The following PDZD2 variants were observed in gnomAD, a reference collection of about 807,000 sequenced individuals.
PDZD2 encodes the protein PDZ domain containing 2, also known as PDZ domain-containing protein 2.
In PDZD2, 90 loss-of-function variants were observed where a neutral mutation model predicts 220.7. The ratio of observed to expected loss-of-function variants is 0.41; its 90% CI spans 0.34 to 0.49. PDZD2 has a LOEUF of 0.49. Among genes scored for constraint, PDZD2 ranks in the 20% least tolerant of loss-of-function variants. The pLI is 0.28. For missense variants in PDZD2, 3,174 were observed against 3,608.5 expected (o/e 0.88, Z 3.08); for synonymous variants, 1,375 against 1,450.5 (o/e 0.95, Z 1.18).
At chr5:32,102,065 T>C (rs190542382) in intron 24 of PDZD2, among the ~76,000 whole-genome samples, 88 of 152,248 alleles carry the variant, frequency 5.8e-4, no homozygotes, top group African/African-American at 1.7e-3. Context: ...TACAATTGCA[T>C]AGTAATCCCA....
At position 32,064,811 on chromosome 5, in the gene PDZD2, T is replaced by C. The variant is rs6873903; in HGVS notation, c.2451+3677T>C. 2.6e-3 allele frequency among the ~76,000 whole-genome samples: 388 copies of C among 149,378 alleles called. 5 individuals are homozygous for C. Among genetic ancestry groups the C allele is most frequent in the African/African-American group, 8.8e-3 (357 of 40,544 alleles). On this transcript the variant is annotated intron_variant, in intron 14 of 24. Transcript: ENST00000438447. ...AGCAAAACCACGTCTCTACTAAAAA[T>C]ACAAAAATTAGCCGGGTGTGCTGGC...
intron 1 of PDZD2, among the ~76,000 whole-genome samples, chr5:31,749,921 A>T (rs1031467176): frequency 2.0e-5 from 3 of 152,162 alleles, no homozygotes; most frequent in African/African-American, 4.8e-5. Context: ...TTCCTTAGAA[A>T]ACTGGCATCC....
chr5:31,923,358 G>T, intron 2 of PDZD2: 4 of 1,073,544 alleles, frequency 3.7e-6, no homozygotes, highest in Non-Finnish European at 5.8e-6. Flanking sequence ...GTGCCACACG[G>T]CCATCGCCAT....
At chr5:32,011,310 G>A (rs895109916) in intron 6 of PDZD2, among the ~76,000 whole-genome samples, 11 of 146,752 alleles carry the variant, frequency 7.5e-5, no homozygotes, top group Non-Finnish European at 1.5e-4. Context: ...CCAACATGAC[G>A]AAACCCCATC....
chr5:31,891,072 T>G (rs1399078470), intron 2 of PDZD2, among the ~76,000 whole-genome samples: 1 of 151,786 alleles, frequency 6.6e-6, no homozygotes, highest in Non-Finnish European at 1.5e-5. Flanking sequence ...CACCTTCTCA[T>G]TCTCGCTGCT....
intron 2 of PDZD2, among the ~76,000 whole-genome samples, chr5:31,804,453 C>A (rs757063294): frequency 1.3e-5 from 2 of 152,162 alleles, no homozygotes; most frequent in Non-Finnish European, 2.9e-5. Context: ...ATTTATTGAG[C>A]AGTTTCTACC....
chr5:31,681,876 G>A (rs920826118), intron 1 of PDZD2, among the ~76,000 whole-genome samples: 6 of 152,110 alleles, frequency 3.9e-5, no homozygotes, highest in Non-Finnish European at 7.3e-5. Flanking sequence ...TTTCTCCTAA[G>A]AAAGGAATAA....
intron 1 of PDZD2, among the ~76,000 whole-genome samples, chr5:31,697,444 C>G (rs1747421570): frequency 6.6e-6 from 1 of 152,154 alleles, no homozygotes; most frequent in South Asian, 2.1e-4. Context: ...GCCTGGGTAA[C>G]AGAGTGAGAC....
intron 2 of PDZD2, among the ~76,000 whole-genome samples, chr5:31,980,251 T>C (rs768075160): frequency 6.6e-6 from 1 of 152,208 alleles, no homozygotes; most frequent in Non-Finnish European, 1.5e-5. Flanking sequence ...TCTGTCTCTA[T>C]GGATTTGCCT....
chr5:31,999,538 T>A (rs1455192653), intron 4 of PDZD2, among the ~76,000 whole-genome samples: 1 of 151,870 alleles, frequency 6.6e-6, no homozygotes, highest in Non-Finnish European at 1.5e-5. Flanking sequence ...CAAAAAAACA[T>A]ACTTTAAAAA....
chr5:32,051,063 G>A (rs1224674126), intron 8 of PDZD2, among the ~76,000 whole-genome samples: 1 of 152,170 alleles, frequency 6.6e-6, no homozygotes, highest in East Asian at 1.9e-4. Flanking sequence ...GAAAGTTCAA[G>A]GAGATCCTGG....
At chr5:31,725,886 G>T in intron 1 of PDZD2, 4 of 748,424 alleles carry the variant, frequency 5.3e-6, no homozygotes, top group Non-Finnish European at 9.8e-6. Context: ...CTTTTTCTAG[G>T]ACTATACAAT....
intron 2 of PDZD2, among the ~76,000 whole-genome samples, chr5:31,834,859 T>C (rs1756853455): frequency 1.3e-5 from 2 of 151,718 alleles, no homozygotes; most frequent in Admixed American, 1.3e-4. Context: ...GTTGTGCACA[T>C]GTACCCTAGA....
chr5:31,936,069 A>G, intron 2 of PDZD2: 1 of 987,080 alleles, frequency 1.0e-6, no homozygotes. Flanking sequence ...ATGAAAAATG[A>G]TCTGAGTGCT....
In PDZD2 at chr5:31,830,518, C is replaced by A. The variant is rs1256251195; in HGVS notation, c.476+30794C>A. Among the ~76,000 whole-genome samples, 5 of 151,730 alleles carry A rather than the reference C, an allele frequency of 3.3e-5. No individual in the cohort carries two copies. The South Asian group carries it at 8.3e-4, about 25-fold the overall frequency. On this transcript the variant is annotated intron_variant, in intron 2 of 24. Transcript: ENST00000438447. ...TTGTATGTTTTATTTTTTTAATATT[C>A]AACTTTTAAAAAATTATGAACTAGC...
rs1001646250 is a variant in PDZD2, at chr5:31,647,146, C to G, written c.-361+7709C>G. On this transcript the variant is annotated intron_variant, in intron 1 of 24. Transcript: ENST00000438447. ...CTCACCTGCTCAGCTTCCCAGGCTC[C>G]GTCTTTATCTTGAGGATCTCTGAAG... Among the ~76,000 whole-genome samples the G allele has an allele frequency of 2.0e-5, 3 of 152,146 alleles. No individual in the cohort carries two copies. In the South Asian group the frequency reaches 6.2e-4, roughly 32 times the overall value.
At chr5:31,770,164 A>G (rs1372490386) in intron 1 of PDZD2, among the ~76,000 whole-genome samples, 1 of 152,214 alleles carries the variant, frequency 6.6e-6, no homozygotes, top group Non-Finnish European at 1.5e-5. Context: ...GAGGAAAAAT[A>G]AAAGAGGATG....
In PDZD2 at chr5:31,989,416, C is replaced by CTTTTTTTTTT. The variant is rs1385913596; in HGVS notation, c.978+5764_978+5765insTTTTTTTTTT. On this transcript the variant is annotated intron_variant, in intron 3 of 24. Transcript: ENST00000438447. ...TATTCTGTGGTATATACCACATTTT[C>CTTTTTTTTTT]TTTTCTTTTTTTTTTTTTTTTTTTG... 2.3e-4 allele frequency among the ~76,000 whole-genome samples: 28 copies of CTTTTTTTTTT among 120,624 alleles called. 1 individual carries two copies. The highest frequency in any genetic ancestry group is 5.9e-4 in the South Asian group (2 of 3,414). 79.1% of individuals were successfully genotyped at this position (120,624 alleles called of 152,430 possible). A position where few individuals can be genotyped will look rare whatever the true frequency, so the allele number is the denominator to read the frequency against.
At chr5:32,035,306 G>A (rs985406496) in intron 6 of PDZD2, among the ~76,000 whole-genome samples, 1 of 151,816 alleles carries the variant, frequency 6.6e-6, no homozygotes, top group African/African-American at 2.4e-5. Context: ...TGTCACCTAG[G>A]ATGGAGTGCA....
Sources: allele counts gnomAD v4.1 joint callset (sites outside exome capture counted in the v4.1 genomes callset), GRCh38; gene constraint gnomAD v4.1.1; transcripts MANE v1.5; gene names NCBI Gene and HGNC (gene_info 2026-07-23, HGNC 2026-07-21).